The following FAT3 variants were observed in gnomAD, a reference collection of about 807,000 sequenced individuals.
FAT3 encodes FAT atypical cadherin 3.
FAT3 carries 95 observed loss-of-function variants against 310.2 expected under a neutral mutation model. That is an observed-to-expected ratio of 0.31 (90% confidence interval 0.26 to 0.36). The LOEUF (loss-of-function observed/expected upper bound fraction) is 0.36, where lower values mean the gene tolerates loss of function less well. Ranked by LOEUF, FAT3 falls within the 10% of genes least tolerant of loss-of-function variation. The pLI is 1.00. For missense variants in FAT3, 5,408 were observed against 5,715.6 expected (o/e 0.95, Z 1.74); for synonymous variants, 2,314 against 2,192.9 (o/e 1.06, Z -1.54).
At chr11:92,458,646 C>A (rs1256864802) in intron 2 of FAT3, among the ~76,000 whole-genome samples, 1 of 152,142 alleles carries the variant, frequency 6.6e-6, no homozygotes, top group African/African-American at 2.4e-5. Context: ...TGGTGTGGAG[C>A]ATTGTGACTG....
rs1271121004 is a variant in FAT3 at position 92,355,320 on chromosome 11, G to A, written c.3208G>A (p.Glu1070Lys). The part of the protein sequence containing the change: ...TSVLQVTARD[E>K]DSGRDGEIQY... ...CGTGCTGCAGGTGACTGCTCGAGAT[G>A]AAGACTCCGGAAGGGATGGAGAGAT... The change falls in exon 2 of 28, where the codon GAA becomes AAA. Residue 1070 changes from glutamate to lysine, a missense_variant. By Grantham distance (56) the Glu-to-Lys change is moderately conservative (BLOSUM62 1). Transcript: ENST00000525166. The A allele has an allele frequency of 1.2e-6, 2 of 1,613,818 alleles. No individual in the cohort carries two copies. Among genetic ancestry groups the A allele is most frequent in the South Asian group, 2.2e-5 (2 of 91,072 alleles).
At chr11:92,668,972 T>C (rs1280059274) in intron 3 of FAT3, among the ~76,000 whole-genome samples, 1 of 152,194 alleles carries the variant, frequency 6.6e-6, no homozygotes, top group Admixed American at 6.5e-5. Flanking sequence ...TCAGGGCACT[T>C]AGACAATAGC....
intron 2 of FAT3, among the ~76,000 whole-genome samples, chr11:92,418,561 A>C (rs181104411): frequency 2.0e-5 from 3 of 151,908 alleles, no homozygotes; most frequent in Non-Finnish European, 4.4e-5. Context: ...AGTCATCAGA[A>C]GGCTATGAGC....
At chr11:92,456,573 G>T (rs1225938678) in intron 2 of FAT3, among the ~76,000 whole-genome samples, 1 of 152,112 alleles carries the variant, frequency 6.6e-6, no homozygotes, top group Non-Finnish European at 1.5e-5. Context: ...AGGTGTGGTG[G>T]TGAAACCAGA....
At chr11:92,479,311 T>G (rs1952152559) in intron 2 of FAT3, among the ~76,000 whole-genome samples, 1 of 152,054 alleles carries the variant, frequency 6.6e-6, no homozygotes, top group South Asian at 2.1e-4. Flanking sequence ...GCACCCAGAC[T>G]TAAACATTTT....
chr11:92,579,809 C>G (rs770005534), intron 3 of FAT3, among the ~76,000 whole-genome samples: 1 of 152,116 alleles, frequency 6.6e-6, no homozygotes, highest in Non-Finnish European at 1.5e-5. Flanking sequence ...ATTAGCCACA[C>G]TGTAGCACCT....
At chr11:92,630,178 C>T (rs968342410) in intron 3 of FAT3, among the ~76,000 whole-genome samples, 4 of 152,160 alleles carry the variant, frequency 2.6e-5, no homozygotes, top group Admixed American at 6.5e-5. Flanking sequence ...CACTGTAGAA[C>T]ACTAGATGTG....
chr11:92,266,080 A>G (rs1945937811), intron 1 of FAT3, among the ~76,000 whole-genome samples: 1 of 152,152 alleles, frequency 6.6e-6, no homozygotes, highest in Non-Finnish European at 1.5e-5. Context: ...ATTATTGAAC[A>G]TAGGATACAA....
chr11:92,390,637 G>A (rs1481422946), intron 2 of FAT3, among the ~76,000 whole-genome samples: 3 of 152,114 alleles, frequency 2.0e-5, no homozygotes, highest in African/African-American at 7.2e-5. Context: ...TTTCTATAAG[G>A]AGAATGAGGA....
At chr11:92,762,854 A>G (rs1946191914) in intron 5 of FAT3, among the ~76,000 whole-genome samples, 1 of 152,074 alleles carries the variant, frequency 6.6e-6, no homozygotes, top group Admixed American at 6.5e-5. Flanking sequence ...CTTACGAGCA[A>G]TGAGCATGGT....
At chr11:92,533,287 G>A (rs1445054237) in intron 3 of FAT3, among the ~76,000 whole-genome samples, 1 of 152,056 alleles carries the variant, frequency 6.6e-6, no homozygotes, top group African/African-American at 2.4e-5. Flanking sequence ...CTTCCCATGT[G>A]CTGGGATTGC....
At position 92,890,867 on chromosome 11, in the gene FAT3, G is replaced by T. The variant is rs376130419; in HGVS notation, c.13524G>T (p.Pro4508=). The T allele has an allele frequency of 1.9e-6, 3 of 1,613,928 alleles. No individual in the cohort carries two copies. The highest frequency in any genetic ancestry group is 2.2e-5 in the East Asian group (1 of 44,878). ...CCAACGAAACGGATTTGGTGGGCCC[G>T]CCTGCCAGCTGTGAATTTAGTACTT... ...PFPNETDLVG[P]PASCEFSTFA... The change falls in exon 28 of 28, where the codon CCG becomes CCT. Residue 4508 remains proline (P), a synonymous_variant. Transcript: ENST00000525166.
Position 92,434,165 on chromosome 11 carries a change from G to A in FAT3, c.3292+78761G>A, listed in dbSNP as rs561079295. 2.0e-5 allele frequency among the ~76,000 whole-genome samples: 3 copies of A among 152,204 alleles called. No homozygotes were observed. In the East Asian group the frequency reaches 5.8e-4, roughly 30 times the overall value. ...GAGGCTAGTGGATCCAGCACTCAAA[G>A]AACTCCTATTCCGGGAAAGTAAGGT... On this transcript the variant is annotated intron_variant, in intron 2 of 27. Transcript: ENST00000525166.
intron 2 of FAT3, among the ~76,000 whole-genome samples, chr11:92,379,931 T>C (rs1211128373): frequency 6.6e-6 from 1 of 152,024 alleles, no homozygotes; most frequent in East Asian, 1.9e-4. Flanking sequence ...GTGAGGTAGA[T>C]GAGGTAAAAA....
At chr11:92,621,046 A>T (rs1941062101) in intron 3 of FAT3, among the ~76,000 whole-genome samples, 1 of 152,114 alleles carries the variant, frequency 6.6e-6, no homozygotes, top group African/African-American at 2.4e-5. Flanking sequence ...TTAAACTATC[A>T]TGGTATTAAA....
chr11:92,756,851 T>G (rs757386508), intron 4 of FAT3, among the ~76,000 whole-genome samples: 12 of 150,762 alleles, frequency 8.0e-5, no homozygotes, highest in Middle Eastern at 3.5e-3. Context: ...ATTGTCCTGT[T>G]TTGTAATTGT....
Position 92,232,784 on chromosome 11 carries a change from GA to G in FAT3, c.-18+7615del, listed in dbSNP as rs1864243330. ...GCACTAGGCAAAACTCAGTACCTCT[GA>G]AAAACAACAATTGGGAGGTAGAATT... On this transcript the variant is annotated intron_variant, in intron 1 of 27. Coordinates refer to ENST00000525166, the MANE Select transcript of FAT3 (RefSeq NM_001367949.2). Among the ~76,000 whole-genome samples, 3 of 152,014 alleles carry G rather than the reference GA, an allele frequency of 2.0e-5. No homozygotes were observed. In the South Asian group the frequency reaches 6.2e-4, roughly 32 times the overall value.
intron 22 of FAT3, among the ~76,000 whole-genome samples, chr11:92,876,793 A>G (rs184467888): frequency 2.9e-4 from 44 of 152,380 alleles, no homozygotes; most frequent in African/African-American, 9.1e-4. Flanking sequence ...TCAGCAAAAC[A>G]TCCATAAGAG....
At chr11:92,527,355 A>G (rs1365193312) in intron 3 of FAT3, among the ~76,000 whole-genome samples, 1 of 152,200 alleles carries the variant, frequency 6.6e-6, no homozygotes, top group African/African-American at 2.4e-5. Context: ...TCCTCACCAG[A>G]AATCCTTTGC....
Sources: gnomAD v4.1 joint callset for allele counts (sites outside exome capture counted in the v4.1 genomes callset) on GRCh38, gnomAD v4.1.1 for gene constraint, MANE v1.5 for transcripts, NCBI Gene and HGNC (gene_info 2026-07-23, HGNC 2026-07-21) for gene names.